GNA15: variants seen among roughly 807,000 people sequenced by gnomAD.
The protein encoded by GNA15 is guanine nucleotide-binding protein subunit alpha-15.
Under a neutral mutation model 40.1 loss-of-function variants are expected in GNA15, and 23 were observed. The observed-to-expected ratio is 0.57, with a 90% CI of 0.41 to 0.81. The LOEUF is 0.81. Ranked by LOEUF, GNA15 falls within the 40% of genes least tolerant of loss-of-function variation. The pLI is 0.00. For missense variants in GNA15, 522 were observed against 515.8 expected, an observed-to-expected ratio of 1.01 and a Z score of -0.12; for synonymous variants, 226 against 210.4, an observed-to-expected ratio of 1.07 and a Z score of -0.64.
At chr19:3,156,281 C>G (rs867850181) in intron 5 of GNA15, among the ~76,000 whole-genome samples, 3 of 151,796 alleles carry the variant, frequency 2.0e-5, no homozygotes, top group Admixed American at 6.6e-5. Context: ...CACATACACA[C>G]GTGCACACAC....
chr19:3,150,275 T>TCAGC lies in GNA15; in HGVS notation c.477_480dup (p.Val161SerfsTer58), dbSNP rs1568296743. On this transcript the variant is annotated frameshift_variant, in exon 3 of 7. Coordinates refer to ENST00000262958, the MANE Select transcript of GNA15 (RefSeq NM_002068.4). LOFTEE classifies it high-confidence loss of function. Reference sequence around the variant, plus strand: ...TCGGCGGGAATTCCACCTGCTCGATTCAGCCGTGTAGTGAGTCTGGGGTCT... The same window carrying TCAGC: ...TCGGCGGGAATTCCACCTGCTCGATTCAGCCAGCCGTGTAGTGAGTCTGGGGTCT... 1 of 1,594,322 alleles carries TCAGC rather than the reference T, an allele frequency of 6.3e-7. No individual in the cohort carries two copies. Among genetic ancestry groups the TCAGC allele is most frequent in the East Asian group, 2.2e-5 (1 of 44,578 alleles).
At chr19:3,144,759 A>G (rs1031803560) in intron 1 of GNA15, among the ~76,000 whole-genome samples, 1 of 150,412 alleles carries the variant, frequency 6.6e-6, no homozygotes, top group Non-Finnish European at 1.5e-5. Context: ...CGATCTCCTG[A>G]CCTCGTGATC....
chr19:3,144,537 A>ATT (rs576782051), intron 1 of GNA15, among the ~76,000 whole-genome samples: 6 of 149,898 alleles, frequency 4.0e-5, no homozygotes, highest in South Asian at 2.1e-4. Flanking sequence ...TATTTTATTT[A>ATT]TTTTTTTTTG....
At chr19:3,147,192 T>C (rs1159075759) in intron 1 of GNA15, among the ~76,000 whole-genome samples, 2 of 152,236 alleles carry the variant, frequency 1.3e-5, no homozygotes, top group African/African-American at 4.8e-5. Context: ...GTTATTTCTT[T>C]CGTAAAAGTT....
In GNA15 at chr19:3,148,633, G is replaced by A; in HGVS notation, c.188G>A (p.Arg63Gln). 3 of 1,588,124 alleles carry A rather than the reference G, an allele frequency of 1.9e-6. No individual in the cohort carries two copies. The highest frequency in any genetic ancestry group is 1.7e-6 in the Non-Finnish European group (2 of 1,166,946). The change falls in exon 2 of 7, where the codon CGG (arginine) becomes CAG (glutamine). Residue 63 changes from arginine (R) to glutamine (Q), a missense_variant. By Grantham distance (43) the Arg-to-Gln change is conservative. Coordinates refer to ENST00000262958, the MANE Select transcript of GNA15 (RefSeq NM_002068.4). The stretch of plus-strand genomic sequence containing the variant: ...AAGAGCACCTTCATCAAGCAGATGC[G>A]GATCATCCACGGCGCCGGCTACTCG... ...SGKSTFIKQM[R>Q]IIHGAGYSEE...
chr19:3,150,439 T>TC (rs1312063592), intron 3 of GNA15, among the ~76,000 whole-genome samples, 154 bp downstream of exon 3: 1 of 152,166 alleles, frequency 6.6e-6, no homozygotes, highest in Non-Finnish European at 1.5e-5. Flanking sequence ...GGACCCTAAT[T>TC]CCCGGGGGAC....
At chr19:3,153,297 G>A (rs973805722) in intron 4 of GNA15, among the ~76,000 whole-genome samples, 7 of 151,974 alleles carry the variant, frequency 4.6e-5, no homozygotes, top group African/African-American at 1.2e-4. Flanking sequence ...GAATGGATGG[G>A]TGGATGAATG....
rs1915003210 is a variant in GNA15, at chr19:3,155,911, C to T, written c.703C>T (p.Leu235=). 1 of 1,613,850 alleles carries T rather than the reference C, an allele frequency of 6.2e-7. No individual in the cohort carries two copies. Among genetic ancestry groups the T allele is most frequent in the South Asian group, 1.1e-5 (1 of 91,084 alleles). Residue 235 remains leucine (L), a synonymous_variant, in exon 5 of 7, where the codon CTG becomes TTG. Transcript: ENST00000262958. The surrounding 1 kb of genome is among the most constrained non-coding windows in gnomAD (Gnocchi z 5.6). ...NVIALIYLAS[L]SEYDQCLEEN... is the part of the protein sequence containing the mutation. Reference sequence around the variant, plus strand: ...GATCGCCCTCATCTACCTGGCCTCACTGAGTGAATACGACCAGTGCCTGGA... The same window carrying T: ...GATCGCCCTCATCTACCTGGCCTCATTGAGTGAATACGACCAGTGCCTGGA...
At chr19:3,161,573 C>A (rs985062824) in intron 6 of GNA15, among the ~76,000 whole-genome samples, 1 of 152,040 alleles carries the variant, frequency 6.6e-6, no homozygotes, top group East Asian at 1.9e-4. Context: ...GCCTGGATAG[C>A]CCCTCTTCCT....
chr19:3,149,798 AG>A (rs973101912), intron 2 of GNA15: 8 of 228,136 alleles, frequency 3.5e-5, no homozygotes, highest in Non-Finnish European at 6.1e-5. Flanking sequence ...CATCTGTGGA[AG>A]GGGGGACTGT....
At chr19:3,154,468 G>C (rs1282306779) in intron 4 of GNA15, among the ~76,000 whole-genome samples, 1 of 148,924 alleles carries the variant, frequency 6.7e-6, no homozygotes, top group Non-Finnish European at 1.5e-5. Context: ...TGGGTAGCTG[G>C]GTAATGGGTG....
At chr19:3,162,197 G>A (rs1047028614) in intron 6 of GNA15, among the ~76,000 whole-genome samples, 1 of 151,142 alleles carries the variant, frequency 6.6e-6, no homozygotes, top group Non-Finnish European at 1.5e-5. Flanking sequence ...CCAGCGCTTT[G>A]GGGGGGTCAA....
chr19:3,148,098 T>G lies in GNA15; in HGVS notation c.146-493T>G, dbSNP rs190448659. Among the ~76,000 whole-genome samples the G allele has an allele frequency of 4.1e-3, 606 of 147,994 alleles. 3 individuals are homozygous for G. The highest frequency in any genetic ancestry group is 0.015 in the African/African-American group (567 of 38,756). ...TTGTTTTTTTTGTTTGTTTGTTTTG[T>G]TTTTTTTTGAGACAGAATCTCGCCC... is the stretch of plus-strand genomic sequence containing the variant. On this transcript the variant is annotated intron_variant, in intron 1 of 6. Transcript: ENST00000262958.
In GNA15 at chr19:3,163,009, A is replaced by T. The variant is rs575093003; in HGVS notation, c.1115A>T (p.Asn372Ile). 1 of 1,611,894 alleles carries T rather than the reference A, an allele frequency of 6.2e-7. No homozygotes were observed. Among genetic ancestry groups the T allele is most frequent in the Non-Finnish European group, 8.5e-7 (1 of 1,178,170 alleles). The change falls in exon 7 of 7, where the codon AAC becomes ATC. Residue 372 changes from asparagine to isoleucine, a missense_variant. Coordinates refer to ENST00000262958, the MANE Select transcript of GNA15 (RefSeq NM_002068.4). Reference sequence around the variant, plus strand: ...CTCGCCCGCTACCTGGACGAGATCAACCTGCTGTGACCCAGGCCCCACCTG... The same window carrying T: ...CTCGCCCGCTACCTGGACGAGATCATCCTGCTGTGACCCAGGCCCCACCTG... The part of the protein sequence containing the change: ...SVLARYLDEI[N>I]LL
chr19:3,162,922 A>G lies in GNA15; in HGVS notation c.1028A>G (p.Tyr343Cys), dbSNP rs1360637442. 1.9e-6 allele frequency: 3 copies of G among 1,613,838 alleles called. No individual in the cohort carries two copies. The highest frequency in any genetic ancestry group is 1.7e-5 in the Admixed American group (1 of 59,994). ...GARSRRLFSH[Y>C]TCATDTQNIR... ...CGATCCCGACGCCTCTTCAGCCACTACACATGTGCCACAGACACACAGAAC... is the reference window on the plus strand; with the variant it reads ...CGATCCCGACGCCTCTTCAGCCACTGCACATGTGCCACAGACACACAGAAC... The change falls in exon 7 of 7, where the codon TAC (tyrosine) becomes TGC (cysteine). Residue 343 changes from tyrosine (Y) to cysteine (C), a missense_variant. Coordinates refer to ENST00000262958, the MANE Select transcript of GNA15 (RefSeq NM_002068.4).
intron 2 of GNA15, 68 bp downstream of exon 2, chr19:3,148,843 GAGCAGGGCCA>G: frequency 6.9e-7 from 1 of 1,456,188 alleles, no homozygotes; most frequent in Non-Finnish European, 9.2e-7. Flanking sequence ...CCAGACCCCG[GAGCAGGGCCA>G]AGTTCCCCAG....
rs1249506707 is a variant in GNA15 at position 3,155,409 on chromosome 19, A to G, written c.615-414A>G. Among the ~76,000 whole-genome samples the G allele has an allele frequency of 6.6e-6, 1 of 152,144 alleles. No individual in the cohort carries two copies. The highest frequency in any genetic ancestry group is 2.4e-5 in the African/African-American group (1 of 41,428). On this transcript the variant is annotated intron_variant, in intron 4 of 6. Transcript: ENST00000262958. The surrounding 1 kb of genome is among the most constrained non-coding windows in gnomAD (Gnocchi z 5.6). ...AGCCCTCATTCCCATCTGTGTGGCC[A>G]CTGGACATGCCCATGGCCAGCCAGA...
intron 1 of GNA15, among the ~76,000 whole-genome samples, chr19:3,147,649 G>A (rs1047682244): frequency 6.6e-6 from 1 of 151,870 alleles, no homozygotes; most frequent in Non-Finnish European, 1.5e-5. Flanking sequence ...GCTCACGCTT[G>A]TAATCCCAGC....
intron 1 of GNA15, among the ~76,000 whole-genome samples, chr19:3,139,914 G>A (rs1324672881): frequency 6.6e-6 from 1 of 151,860 alleles, no homozygotes; most frequent in African/African-American, 2.4e-5. Flanking sequence ...CGCACCTGTA[G>A]TCCCAGCTAC....
Sources: gnomAD v4.1 joint callset for allele counts (sites outside exome capture counted in the v4.1 genomes callset) on GRCh38, gnomAD v4.1.1 for gene constraint, Gnocchi (gnomAD v3.1) non-coding constraint, MANE v1.5 for transcripts, NCBI Gene and HGNC (gene_info 2026-07-23, HGNC 2026-07-21) for gene names.